The following DNAAF11 variants were observed in gnomAD, a reference collection of about 807,000 sequenced individuals.
DNAAF11 encodes dynein axonemal assembly factor 11.
A neutral mutation model predicts 60.8 loss-of-function variants in DNAAF11; 45 were observed. The observed-to-expected ratio is 0.74, with a 90% CI of 0.58 to 0.95. The LOEUF (loss-of-function observed/expected upper bound fraction) is 0.95, where lower values mean the gene tolerates loss of function less well. Among genes scored for constraint, DNAAF11 ranks in the 40% least tolerant of loss-of-function variants. The pLI is 0.00. For synonymous variants in DNAAF11, 191 were observed against 183.5 expected (o/e 1.04, Z -0.33); for missense variants, 546 against 546.2 (o/e 1.00, Z 0.00).
chr8:132,581,867 C>T (rs1815378323), intron 11 of DNAAF11, among the ~76,000 whole-genome samples: 1 of 152,132 alleles, frequency 6.6e-6, no homozygotes, highest in African/African-American at 2.4e-5. Flanking sequence ...AGAGTCAGCA[C>T]TCAATAAATC....
intron 6 of DNAAF11, among the ~76,000 whole-genome samples, chr8:132,623,843 T>C (rs1219112975): frequency 6.6e-6 from 1 of 152,164 alleles, no homozygotes; most frequent in Non-Finnish European, 1.5e-5. Flanking sequence ...GGCTTCACCC[T>C]ACTCAGTGTA....
Position 132,593,328 on chromosome 8 carries a change from C to CATATATATATAT in DNAAF11, c.1141-9550_1141-9549insATATATATATAT, listed in dbSNP as rs1160460984. Among the ~76,000 whole-genome samples, 241 of 67,476 alleles carry CATATATATATAT rather than the reference C, an allele frequency of 3.6e-3. 2 individuals carry two copies. The highest frequency in any genetic ancestry group is 0.014 in the African/African-American group (189 of 13,896). 44.3% of individuals were successfully genotyped at this position (67,476 alleles called of 152,430 possible). A position where few individuals can be genotyped will look rare whatever the true frequency, so the allele number is the denominator to read the frequency against. On this transcript the variant is annotated intron_variant, in intron 10 of 11. Coordinates refer to ENST00000620350, the MANE Select transcript of DNAAF11 (RefSeq NM_012472.6). ...AATAATAAACTTCAAAGAATATATA[C>CATATATATATAT]ATACATATATATATATATATATATA...
the DNAAF11 span, chr8:132,687,779 G>C: frequency 2.3e-6 from 1 of 435,534 alleles, no homozygotes; most frequent in African/African-American, 2.0e-5. Context: ...AAATTATGCT[G>C]CTTTTGGCTT....
chr8:132,690,806 G>T, the DNAAF11 span, among the ~76,000 whole-genome samples: 1 of 152,140 alleles, frequency 6.6e-6, no homozygotes, highest in Admixed American at 6.5e-5. Context: ...TCCTTCAGTT[G>T]GGATTGACTG....
intron 9 of DNAAF11, 28 bp from the exon 10 acceptor site, chr8:132,610,289 T>C (rs1171102046): frequency 1.1e-5 from 16 of 1,496,348 alleles, no homozygotes; most frequent in Middle Eastern, 1.7e-4. Context: ...GAAAGTATCA[T>C]TGAGAGCAAG....
chr8:132,654,955 A>G (rs55868203), intron 3 of DNAAF11, among the ~76,000 whole-genome samples: 3,367 of 152,072 alleles, frequency 0.022, 49 homozygotes, highest in Non-Finnish European at 0.033. Context: ...AATAGACAAA[A>G]TCAACAAAAT....
At chr8:132,676,392 C>G (rs577830890), upstream of DNAAF11, among the ~76,000 whole-genome samples, 8 of 152,192 alleles carry the variant, frequency 5.3e-5, no homozygotes, top group South Asian at 1.7e-3. Flanking sequence ...TAAAAGGTAC[C>G]ATTATTATGA....
At chr8:132,681,146 G>A in the DNAAF11 span, among the ~76,000 whole-genome samples, 1 of 149,134 alleles carries the variant, frequency 6.7e-6, no homozygotes. Flanking sequence ...AAGTAGCTGG[G>A]ATTAAAGGCA....
intron 1 of DNAAF11, among the ~76,000 whole-genome samples, chr8:132,668,635 G>T (rs1227949143): frequency 2.0e-5 from 3 of 151,980 alleles, no homozygotes; most frequent in African/African-American, 7.3e-5. Context: ...ATAGAGACGG[G>T]GTTTCACCGT....
In DNAAF11 at chr8:132,661,415, T is replaced by G. The variant is rs374673326; in HGVS notation, c.178+45A>C. On this transcript the variant is annotated intron_variant, in intron 2 of 11. Transcript: ENST00000620350. Reference sequence around the variant, plus strand: ...CACAGCACTTTCCAAAGTTCTCTCATTCACAATGTTCAAGAAACCATGAGA... The same window carrying G: ...CACAGCACTTTCCAAAGTTCTCTCAGTCACAATGTTCAAGAAACCATGAGA... 1.2e-5 allele frequency: 18 copies of G among 1,494,366 alleles called. No individual in the cohort carries two copies. In the Admixed American group the frequency reaches 2.4e-4, roughly 20 times the overall value. The allele number at this position is 1,494,366 out of a possible 1,614,324, so 92.6% of individuals were successfully genotyped here. A position where few individuals can be genotyped will look rare whatever the true frequency, so the allele number is the denominator to read the frequency against.
intron 3 of DNAAF11, among the ~76,000 whole-genome samples, chr8:132,649,154 T>C (rs1822733925): frequency 6.6e-6 from 1 of 152,210 alleles, no homozygotes; most frequent in Admixed American, 6.5e-5. Flanking sequence ...AGCATGGTAC[T>C]GGTACCAAAA....
intron 1 of DNAAF11, 42 bp from the exon 2 acceptor site, chr8:132,661,669 G>A (rs777502444): frequency 1.9e-6 from 3 of 1,568,402 alleles, no homozygotes; most frequent in Admixed American, 1.7e-5. Context: ...TGTCCCCATT[G>A]TTCAATATAA....
At chr8:132,597,770 A>G (rs565140214) in intron 10 of DNAAF11, among the ~76,000 whole-genome samples, 18 of 152,192 alleles carry the variant, frequency 1.2e-4, no homozygotes, top group Non-Finnish European at 2.2e-4. Flanking sequence ...TTATCTTCCA[A>G]TTAAAGTGGT....
intron 1 of DNAAF11, among the ~76,000 whole-genome samples, chr8:132,669,384 T>C (rs1269955279): frequency 1.3e-5 from 2 of 152,200 alleles, no homozygotes; most frequent in Admixed American, 1.3e-4. Context: ...AGTTATGCAA[T>C]TGTAAAGACT....
At chr8:132,609,298 C>T (rs1818418921) in intron 10 of DNAAF11, among the ~76,000 whole-genome samples, 1 of 148,900 alleles carries the variant, frequency 6.7e-6, no homozygotes, top group Admixed American at 6.7e-5. Context: ...ACACCTAATA[C>T]AATGTAAATG....
chr8:132,599,809 G>C (rs1243349359), intron 10 of DNAAF11, among the ~76,000 whole-genome samples: 1 of 152,128 alleles, frequency 6.6e-6, no homozygotes, highest in African/African-American at 2.4e-5. Context: ...CAAACCCACA[G>C]CCAATATCAT....
At chr8:132,622,802 G>C in intron 6 of DNAAF11, 114 bp from the exon 7 acceptor site, 1 of 734,106 alleles carries the variant, frequency 1.4e-6, no homozygotes. Context: ...AAATTAATTG[G>C]ACTTTTACGA....
intron 10 of DNAAF11, among the ~76,000 whole-genome samples, chr8:132,600,620 C>T (rs1817511073): frequency 6.6e-6 from 1 of 152,160 alleles, no homozygotes; most frequent in African/African-American, 2.4e-5. Context: ...AATAACACCA[C>T]ACATCTACAA....
At chr8:132,688,225 C>T in the DNAAF11 span, among the ~76,000 whole-genome samples, 1 of 152,160 alleles carries the variant, frequency 6.6e-6, no homozygotes, top group African/African-American at 2.4e-5. Context: ...ACATTCAAAC[C>T]ACAGCAATTT....
Sources: gnomAD v4.1 joint callset for allele counts (sites outside exome capture counted in the v4.1 genomes callset) on GRCh38, gnomAD v4.1.1 for gene constraint, MANE v1.5 for transcripts, NCBI Gene and HGNC (gene_info 2026-07-23, HGNC 2026-07-21) for gene names.